The following UNC13C variants were observed in gnomAD, a reference collection of about 807,000 sequenced individuals.
UNC13C encodes unc-13 homolog C.
Under a neutral mutation model 245.4 loss-of-function variants are expected in UNC13C, and 174 were observed. The observed-to-expected ratio is 0.71, with a 90% CI of 0.63 to 0.80. The LOEUF (loss-of-function observed/expected upper bound fraction) is 0.80. Ranked by LOEUF, UNC13C falls within the 30% of genes least tolerant of loss-of-function variation. The probability of loss-of-function intolerance (pLI) is 0.00; values close to 1 mark genes in which losing one functional copy is unlikely to be tolerated. For synonymous variants in UNC13C, 992 were observed against 895.1 expected (o/e 1.11, Z -1.93); for missense variants, 2,829 against 2,602.9 (o/e 1.09, Z -1.89).
the UNC13C span, among the ~76,000 whole-genome samples, chr15:53,889,005 T>A: frequency 6.6e-6 from 1 of 152,188 alleles, no homozygotes; most frequent in Admixed American, 6.5e-5. Context: ...CTTTGTTCTT[T>A]TTGCTTAGGA....
intron 10 of UNC13C, among the ~76,000 whole-genome samples, chr15:54,271,475 C>T (rs2036686849): frequency 6.6e-6 from 1 of 152,304 alleles, no homozygotes; most frequent in East Asian, 1.9e-4. Context: ...AAGTAAGTCT[C>T]TCTCAGTGAG....
Position 54,579,771 on chromosome 15 carries a change from A to C in UNC13C, c.6106+11824A>C, listed in dbSNP as rs976982072. Reference sequence around the variant, plus strand: ...AAGACTCTGTCTCAAAAAAGAAAAAAACAAGAAAAACTTTAGGATTTAAAG... The same window carrying C: ...AAGACTCTGTCTCAAAAAAGAAAAACACAAGAAAAACTTTAGGATTTAAAG... On this transcript the variant is annotated intron_variant, in intron 30 of 32. Coordinates refer to ENST00000260323, the MANE Select transcript of UNC13C (RefSeq NM_001080534.3). Among the ~76,000 whole-genome samples the C allele has an allele frequency of 2.0e-5, 3 of 152,148 alleles. No homozygotes were observed. In the South Asian group the frequency reaches 6.2e-4, roughly 32 times the overall value.
intron 8 of UNC13C, among the ~76,000 whole-genome samples, chr15:54,262,921 G>A (rs1159132030): frequency 1.3e-5 from 2 of 152,102 alleles, no homozygotes; most frequent in East Asian, 1.9e-4. Context: ...AAAGTTAATA[G>A]TTGACCTTTC....
intron 4 of UNC13C, among the ~76,000 whole-genome samples, chr15:54,168,049 C>T (rs1464200901): frequency 1.3e-5 from 2 of 151,938 alleles, no homozygotes; most frequent in Admixed American, 1.3e-4. Flanking sequence ...GATGGTTATA[C>T]GAATAGATAC....
chr15:54,050,577 C>T (rs998197219), intron 2 of UNC13C: 4 of 431,304 alleles, frequency 9.3e-6, no homozygotes, highest in African/African-American at 8.2e-5. Flanking sequence ...AGCTGCTACA[C>T]TTTTTTCCAC....
chr15:54,102,788 G>T (rs189380418), intron 2 of UNC13C, among the ~76,000 whole-genome samples: 1 of 152,132 alleles, frequency 6.6e-6, no homozygotes. Flanking sequence ...TGCACCCCAG[G>T]GGTGTTCACC....
intron 4 of UNC13C, among the ~76,000 whole-genome samples, chr15:54,159,800 C>T (rs2032900245): frequency 6.6e-6 from 1 of 152,206 alleles, no homozygotes; most frequent in Non-Finnish European, 1.5e-5. Context: ...TTCTAACCTG[C>T]TTTTGTAACT....
At chr15:54,532,165 T>C (rs1895778425) in intron 25 of UNC13C, among the ~76,000 whole-genome samples, 1 of 152,094 alleles carries the variant, frequency 6.6e-6, no homozygotes, top group Non-Finnish European at 1.5e-5. Flanking sequence ...CCTGATCCTC[T>C]CCCTCTTCCC....
chr15:54,025,539 A>T (rs1022866322), intron 2 of UNC13C, among the ~76,000 whole-genome samples: 1 of 152,246 alleles, frequency 6.6e-6, no homozygotes, highest in African/African-American at 2.4e-5. Context: ...ACCCAGAAGT[A>T]GCAAATCCAG....
At chr15:54,448,730 T>C (rs561322909) in intron 19 of UNC13C, among the ~76,000 whole-genome samples, 44 of 152,350 alleles carry the variant, frequency 2.9e-4, no homozygotes, top group African/African-American at 1.1e-3. Context: ...CTCTATCCAA[T>C]TTGCCAGTCT....
intron 4 of UNC13C, among the ~76,000 whole-genome samples, chr15:54,209,043 C>A (rs2034798475): frequency 6.6e-6 from 1 of 152,090 alleles, no homozygotes. Flanking sequence ...TTTATCATGG[C>A]TCAGTGCTCC....
intron 13 of UNC13C, among the ~76,000 whole-genome samples, chr15:54,304,345 C>G (rs1217927738): frequency 1.3e-5 from 2 of 152,092 alleles, no homozygotes; most frequent in Non-Finnish European, 2.9e-5. Flanking sequence ...GACAATTACA[C>G]TTCAGTGACA....
chr15:53,972,847 T>C, the UNC13C span: 33 of 152,212 alleles, frequency 2.2e-4, no homozygotes, highest in African/African-American at 6.8e-4. Flanking sequence ...TGATCATTTA[T>C]CACTGTGTAC....
the UNC13C span, among the ~76,000 whole-genome samples, chr15:53,876,882 A>G: frequency 6.6e-6 from 1 of 152,230 alleles, no homozygotes; most frequent in African/African-American, 2.4e-5. Flanking sequence ...TTCCAGAGAT[A>G]ACTATTGTCA....
intron 2 of UNC13C, among the ~76,000 whole-genome samples, chr15:54,068,827 T>A (rs1898188396): frequency 6.6e-6 from 1 of 152,170 alleles, no homozygotes; most frequent in African/African-American, 2.4e-5. Flanking sequence ...ACACTTTTGA[T>A]CCTATAATGA....
intron 2 of UNC13C, among the ~76,000 whole-genome samples, chr15:54,040,418 T>C (rs1007010126): frequency 6.6e-6 from 1 of 151,992 alleles, no homozygotes; most frequent in Non-Finnish European, 1.5e-5. Flanking sequence ...AAAATGAGAT[T>C]CAGGCCCCAC....
the UNC13C span, among the ~76,000 whole-genome samples, chr15:53,860,522 C>T: frequency 6.6e-6 from 1 of 152,034 alleles, no homozygotes; most frequent in Non-Finnish European, 1.5e-5. Context: ...CCATTCTTGG[C>T]CATCATCATT....
chr15:54,180,491 A>G (rs1170102111), intron 4 of UNC13C, among the ~76,000 whole-genome samples: 2 of 152,012 alleles, frequency 1.3e-5, no homozygotes, highest in Non-Finnish European at 2.9e-5. Flanking sequence ...TGGTAGAAAG[A>G]TTTGTTTTCT....
In UNC13C at chr15:54,297,905, T is replaced by C; in HGVS notation, c.4083T>C (p.Ile1361=). The change falls in exon 12 of 33, where the codon ATT becomes ATC. Residue 1361 remains isoleucine, a synonymous_variant. Transcript: ENST00000260323. Reference sequence around the variant, plus strand: ...AAGAGAAGGTTGCTCCATATCATATTCAATATACATGTTTACATGAGGTAA... The same window carrying C: ...AAGAGAAGGTTGCTCCATATCATATCCAATATACATGTTTACATGAGGTAA... ...KGEEKVAPYH[I]QYTCLHENLF... 6.3e-7 allele frequency: 1 copy of C among 1,596,744 alleles called. No individual in the cohort carries two copies. The highest frequency in any genetic ancestry group is 8.6e-7 in the Non-Finnish European group (1 of 1,168,818).
Sources: allele counts gnomAD v4.1 joint callset (sites outside exome capture counted in the v4.1 genomes callset), GRCh38; gene constraint gnomAD v4.1.1; transcripts MANE v1.5; gene names NCBI Gene and HGNC (gene_info 2026-07-23, HGNC 2026-07-21).